Variants in DDOST observed in about 807,000 individuals in gnomAD.
DDOST encodes the protein dolichyl-diphosphooligosaccharide--protein glycosyltransferase non-catalytic subunit.
Under a neutral mutation model 47.6 loss-of-function variants are expected in DDOST, and 25 were observed. The observed-to-expected ratio is 0.53, with a 90% CI of 0.38 to 0.73. The LOEUF (loss-of-function observed/expected upper bound fraction) is 0.73. Ranked by LOEUF, DDOST falls within the 30% of genes least tolerant of loss-of-function variation. The pLI, the probability that DDOST is intolerant of heterozygous loss-of-function variation, is 0.00. For synonymous variants in DDOST, 275 were observed against 236.0 expected, an observed-to-expected ratio of 1.17 and a Z score of -1.51; for missense variants, 526 against 573.9, an observed-to-expected ratio of 0.92 and a Z score of 0.85.
At chr1:20,656,811 G>C (rs1226100499) in intron 2 of DDOST, among the ~76,000 whole-genome samples, 2 of 152,166 alleles carry the variant, frequency 1.3e-5, no homozygotes, top group Non-Finnish European at 2.9e-5. Context: ...GTAACTGTGA[G>C]ATCCTATCCT....
rs779763847 is a variant in DDOST, at chr1:20,661,288, G to T, written c.63C>A (p.Gly21=). ...TGCGGGGTCCGCTGGCGCAAACCGCGCCAAGCAAGGGCAGCAGCAACCAAA... is the reference window on the plus strand; with the variant it reads ...TGCGGGGTCCGCTGGCGCAAACCGCTCCAAGCAAGGGCAGCAGCAACCAAA... ...ALFWLLLPLL[G]AVCASGPRTL... is the part of the protein sequence containing the mutation. Residue 21 remains glycine (G), a synonymous_variant, in exon 1 of 11, where the codon GGC becomes GGA. Transcript: ENST00000602624. The T allele has an allele frequency of 1.2e-6, 2 of 1,613,912 alleles. No individual in the cohort carries two copies. The highest frequency in any genetic ancestry group is 2.2e-5 in the South Asian group (2 of 91,084).
In DDOST at chr1:20,654,346, G is replaced by C; in HGVS notation, c.671C>G (p.Thr224Ser). 6.4e-7 allele frequency: 1 copy of C among 1,559,528 alleles called. No homozygotes were observed. The highest frequency in any genetic ancestry group is 8.7e-7 in the Non-Finnish European group (1 of 1,150,680). Residue 224 changes from threonine (T) to serine (S), a missense_variant, in exon 7 of 11, where the codon ACC (threonine) becomes AGC (serine). Physicochemically the swap from Thr to Ser is moderately conservative, Grantham distance 58 (BLOSUM62 1). Coordinates refer to ENST00000602624, the MANE Select transcript of DDOST (RefSeq NM_005216.5). Reference sequence around the variant, plus strand: ...GGCCTGGAGCCCAGCAATGAGGAGGGTGTTCTTCCCCACCGCATGTGGATA... The same window carrying C: ...GGCCTGGAGCCCAGCAATGAGGAGGCTGTTCTTCCCCACCGCATGTGGATA... The part of the protein sequence containing the change: ...TQYPHAVGKN[T>S]LLIAGLQARN...
At chr1:20,660,838 C>T (rs778007667) in intron 2 of DDOST, 43 bp downstream of exon 2, 23 of 1,175,542 alleles carry the variant, frequency 2.0e-5, no homozygotes, top group Admixed American at 5.2e-5. Context: ...CATCAAGTCC[C>T]GGGTCTCGAA....
At chr1:20,653,045 C>T (rs965461154) in intron 8 of DDOST, 74 bp from the exon 9 acceptor site, 18 of 1,587,044 alleles carry the variant, frequency 1.1e-5, no homozygotes, top group Non-Finnish European at 1.6e-5. Context: ...CAGAGCTGCA[C>T]TTAATTCCCA....
At chr1:20,656,216 C>G (rs751152233) in intron 2 of DDOST, 29 bp from the exon 3 acceptor site, 2 of 1,571,468 alleles carry the variant, frequency 1.3e-6, no homozygotes, top group South Asian at 2.2e-5. Flanking sequence ...CACAGTGACC[C>G]AGAGGTCTCC....
rs1186144220 is a variant in DDOST at position 20,652,633 on chromosome 1, G to A, written c.1158C>T (p.Tyr386=). 3.7e-6 allele frequency: 6 copies of A among 1,614,050 alleles called. No individual in the cohort carries two copies. The highest frequency in any genetic ancestry group is 5.1e-6 in the Non-Finnish European group (6 of 1,180,006). The change falls in exon 10 of 11, where the codon TAC becomes TAT. Residue 386 remains tyrosine, a synonymous_variant. Coordinates refer to ENST00000602624, the MANE Select transcript of DDOST (RefSeq NM_005216.5). ...DYNRLGYTHL[Y]SSTQVSVRPL... The stretch of plus-strand genomic sequence containing the variant: ...CACCTGTGCTTACCTGAGTGGAAGA[G>A]TACAGGTGTGTGTAGCCTAGCCGGT...
chr1:20,660,738 G>A (rs1160114502), intron 2 of DDOST, 143 bp downstream of exon 2: 5 of 612,446 alleles, frequency 8.2e-6, no homozygotes, highest in African/African-American at 1.9e-5. Context: ...TCAGAAATGA[G>A]CATTTTCCTT....
chr1:20,658,051 T>C (rs995203749), intron 2 of DDOST, among the ~76,000 whole-genome samples: 1 of 152,256 alleles, frequency 6.6e-6, no homozygotes, highest in Admixed American at 6.5e-5. Flanking sequence ...TTATCCAGTC[T>C]GAAACGTCAA....
chr1:20,652,484 G>C lies in DDOST; in HGVS notation c.1215C>G (p.Ile405Met). The C allele has an allele frequency of 6.2e-7, 1 of 1,613,994 alleles. No individual in the cohort carries two copies. The highest frequency in any genetic ancestry group is 8.5e-7 in the Non-Finnish European group (1 of 1,179,990). ...PLQHTQYERF[I>M]PSAYPYYASA... is the part of the protein sequence containing the mutation. ...TGGCGTAGTAGGGGTAGGCCGAGGG[G>C]ATGAAGCGCTCATACTGCGTGTGCT... Residue 405 changes from isoleucine to methionine, a missense_variant, in exon 11 of 11, where the codon ATC (isoleucine) becomes ATG (methionine). By Grantham distance (10) the Ile-to-Met change is conservative. Transcript: ENST00000602624.
In DDOST at chr1:20,655,732, C is replaced by T. The variant is rs2053364936; in HGVS notation, c.400G>A (p.Glu134Lys). Reference sequence around the variant, plus strand: ...TGGTCAATGACAGCCGTTTTCTCCTCGTCAAACTCAATCCCGCACTCACTG... The same window carrying T: ...TGGTCAATGACAGCCGTTTTCTCCTTGTCAAACTCAATCCCGCACTCACTG... Reference protein sequence around the residue: ...LGSECGIEFDEEKTAVIDHHN... With the variant: ...LGSECGIEFDKEKTAVIDHHN... The change falls in exon 4 of 11, where the codon GAG becomes AAG. Residue 134 changes from glutamate (E) to lysine (K), a missense_variant. Physicochemically the swap from Glu to Lys is moderately conservative, Grantham distance 56. Transcript: ENST00000602624. 2.5e-6 allele frequency: 4 copies of T among 1,614,182 alleles called. No individual in the cohort carries two copies. Among genetic ancestry groups the T allele is most frequent in the Non-Finnish European group, 3.4e-6 (4 of 1,180,030 alleles).
intron 2 of DDOST, among the ~76,000 whole-genome samples, chr1:20,658,949 G>A (rs1041855791): frequency 6.8e-6 from 1 of 147,902 alleles, no homozygotes; most frequent in African/African-American, 2.5e-5. Context: ...CTTGACCACC[G>A]AGGGTCAGCA....
intron 1 of DDOST, 75 bp from the exon 2 acceptor site, chr1:20,661,066 G>T: frequency 6.8e-7 from 1 of 1,471,154 alleles, no homozygotes; most frequent in Non-Finnish European, 9.4e-7. Context: ...TCGCGGACCC[G>T]CACGCCAAGC....
chr1:20,652,584 A>C, intron 10 of DDOST, 37 bp downstream of exon 10: 1 of 1,614,188 alleles, frequency 6.2e-7, no homozygotes, highest in Non-Finnish European at 8.5e-7. Flanking sequence ...GGCAGGGCAC[A>C]TGCTAGCTGA....
chr1:20,656,338 C>T, intron 2 of DDOST, 151 bp from the exon 3 acceptor site: 1 of 628,548 alleles, frequency 1.6e-6, no homozygotes. Context: ...GCTTCCCACA[C>T]CACATCCCAG....
At position 20,652,162 on chromosome 1, in the gene DDOST, T is replaced by C. The variant is rs1055850338; in HGVS notation, c.*217A>G. ...TAGAAATGAGAGGAGTGACTGCACA[T>C]AGGAAAAATGCCACTTTTAGCAATT... On this transcript the variant is annotated 3_prime_UTR_variant, in exon 11 of 11. Coordinates refer to ENST00000602624, the MANE Select transcript of DDOST (RefSeq NM_005216.5). 2 of 475,576 alleles carry C rather than the reference T, an allele frequency of 4.2e-6. No homozygotes were observed. The highest frequency in any genetic ancestry group is 2.0e-5 in the African/African-American group (1 of 50,408). The allele number at this position is 475,576 out of a possible 1,614,324, so 29.5% of individuals were successfully genotyped here. A position where few individuals can be genotyped will look rare whatever the true frequency, so the allele number is the denominator to read the frequency against.
rs774300302 is a variant in DDOST at position 20,652,616 on chromosome 1, C to T, written c.1170+5G>A. Reference sequence around the variant, plus strand: ...CTGAAAACAGAAGCTGTCACCTGTGCTTACCTGAGTGGAAGAGTACAGGTG... The same window carrying T: ...CTGAAAACAGAAGCTGTCACCTGTGTTTACCTGAGTGGAAGAGTACAGGTG... On this transcript the variant is annotated splice_donor_5th_base_variant and intron_variant, in intron 10 of 10. Transcript: ENST00000602624. The T allele has an allele frequency of 6.2e-7, 1 of 1,614,218 alleles. No homozygotes were observed. The highest frequency in any genetic ancestry group is 8.5e-7 in the Non-Finnish European group (1 of 1,180,022).
rs769550415 is a variant in DDOST, at chr1:20,652,588, T to C, written c.1170+33A>G. The C allele has an allele frequency of 3.1e-6, 5 of 1,613,974 alleles. No individual in the cohort carries two copies. In the Admixed American group the frequency reaches 5.0e-5, roughly 16 times the overall value. ...TGCAGAGCCCAGGCAGGGCACATGC[T>C]AGCTGAAAACAGAAGCTGTCACCTG... On this transcript the variant is annotated intron_variant, in intron 10 of 10. Coordinates refer to ENST00000602624, the MANE Select transcript of DDOST (RefSeq NM_005216.5).
In DDOST at chr1:20,654,232, C is replaced by A. The variant is rs1436907833; in HGVS notation, c.785G>T (p.Gly262Val). The A allele has an allele frequency of 1.3e-6, 2 of 1,550,508 alleles. No homozygotes were observed. Among genetic ancestry groups the A allele is most frequent in the Non-Finnish European group, 1.7e-6 (2 of 1,146,958 alleles). Residue 262 changes from glycine to valine, a missense_variant, in exon 7 of 11, where the codon GGC becomes GTC. Coordinates refer to ENST00000602624, the MANE Select transcript of DDOST (RefSeq NM_005216.5). ...FNSAVQKAAPGSQRYSQTGNY... is the reference protein window; with the variant it reads ...FNSAVQKAAPVSQRYSQTGNY... The stretch of plus-strand genomic sequence containing the variant: ...GCCTCCTGGCAGCTACCTCTGGGAG[C>A]CGGGCGCCGCCTTCTGCACTGCTGA...
chr1:20,654,240 C>T lies in DDOST; in HGVS notation c.777G>A (p.Ala259=), dbSNP rs757033527. The T allele has an allele frequency of 3.7e-5, 57 of 1,550,782 alleles. No homozygotes were observed. Among genetic ancestry groups the T allele is most frequent in the Non-Finnish European group, 4.6e-5 (53 of 1,147,012 alleles). The change falls in exon 7 of 11, where the codon GCG becomes GCA. Residue 259 remains alanine, a synonymous_variant. Transcript: ENST00000602624. The part of the protein sequence containing the change: ...DSFFNSAVQK[A]APGSQRYSQT... Reference sequence around the variant, plus strand: ...GCAGCTACCTCTGGGAGCCGGGCGCCGCCTTCTGCACTGCTGAGTTGAAGA... The same window carrying T: ...GCAGCTACCTCTGGGAGCCGGGCGCTGCCTTCTGCACTGCTGAGTTGAAGA...
Sources: gnomAD v4.1 joint callset for allele counts (sites outside exome capture counted in the v4.1 genomes callset) on GRCh38, gnomAD v4.1.1 for gene constraint, MANE v1.5 for transcripts, NCBI Gene and HGNC (gene_info 2026-07-23, HGNC 2026-07-21) for gene names.